Variants in DENND1B observed in about 807,000 individuals in gnomAD.
The protein encoded by DENND1B is DENN domain-containing protein 1B.
In DENND1B, 59 loss-of-function variants were observed where a neutral mutation model predicts 90.1. The ratio of observed to expected loss-of-function variants is 0.65; its 90% CI spans 0.53 to 0.81. The LOEUF (loss-of-function observed/expected upper bound fraction) is 0.81, where lower values mean the gene tolerates loss of function less well. Ranked by LOEUF, DENND1B falls within the 40% of genes least tolerant of loss-of-function variation. DENND1B has a pLI of 0.00. For missense variants in DENND1B, 862 were observed against 912.6 expected, an observed-to-expected ratio of 0.94 and a Z score of 0.71; for synonymous variants, 337 against 324.6, an observed-to-expected ratio of 1.04 and a Z score of -0.41.
At chr1:197,781,630 A>G in the DENND1B span, among the ~76,000 whole-genome samples, 1 of 152,188 alleles carries the variant, frequency 6.6e-6, no homozygotes, top group African/African-American at 2.4e-5. Flanking sequence ...TAAAGAGAAG[A>G]TGGAGGTGGG....
At chr1:197,633,140 T>C (rs549593842) in intron 10 of DENND1B, among the ~76,000 whole-genome samples, 20 of 152,210 alleles carry the variant, frequency 1.3e-4, no homozygotes, top group African/African-American at 3.4e-4. Context: ...AATTATGGCC[T>C]CTTGACCAGT....
In DENND1B at chr1:197,511,674, G is replaced by A. The variant is rs1668037743; in HGVS notation, c.1815+54C>T. 5.6e-6 allele frequency: 8 copies of A among 1,428,436 alleles called. No homozygotes were observed. The South Asian group carries it at 1.0e-4, about 18-fold the overall frequency. The allele number at this position is 1,428,436 out of a possible 1,614,324, so 88.5% of individuals were successfully genotyped here. ...AAGAGTATAAGATCCAGTAATCACA[G>A]CCAAGGCAAGAATATTTTCTTCTAA... On this transcript the variant is annotated intron_variant, in intron 22 of 22. Coordinates refer to ENST00000620048, the MANE Select transcript of DENND1B (RefSeq NM_001195215.2).
intron 18 of DENND1B, among the ~76,000 whole-genome samples, chr1:197,544,935 GAAGAAGGGA>G (rs1449612737): frequency 1.7e-5 from 1 of 58,228 alleles, no homozygotes; most frequent in Non-Finnish European, 3.7e-5. Context: ...AAGAGAAGAA[GAAGAAGGGA>G]GAAGAGAGAA....
chr1:197,705,873 A>G (rs1326609031), intron 3 of DENND1B, among the ~76,000 whole-genome samples: 1 of 152,096 alleles, frequency 6.6e-6, no homozygotes, highest in Admixed American at 6.5e-5. Context: ...TAAGATATTT[A>G]TAAATCTAAA....
intron 3 of DENND1B, among the ~76,000 whole-genome samples, chr1:197,705,229 A>G (rs1659410623): frequency 6.6e-6 from 1 of 152,176 alleles, no homozygotes; most frequent in African/African-American, 2.4e-5. Context: ...AATTCAATAA[A>G]TTCCCTAAAA....
intron 2 of DENND1B, chr1:197,747,418 C>T (rs1652849266): frequency 6.9e-6 from 3 of 435,148 alleles, no homozygotes; most frequent in South Asian, 5.1e-5. Context: ...ACATCACTTT[C>T]ATTTAGGCCA....
chr1:197,651,722 C>A (rs1182380336), intron 7 of DENND1B, among the ~76,000 whole-genome samples: 1 of 125,206 alleles, frequency 8.0e-6, no homozygotes, highest in Non-Finnish European at 1.6e-5. Context: ...GTAACACGAT[C>A]TCGGCTCACT....
chr1:197,550,753 G>A (rs1013258259), intron 16 of DENND1B, among the ~76,000 whole-genome samples: 30 of 151,046 alleles, frequency 2.0e-4, no homozygotes, highest in African/African-American at 6.6e-4. Context: ...CATGGCACAT[G>A]TATACATATG....
intron 2 of DENND1B, among the ~76,000 whole-genome samples, chr1:197,756,178 C>T (rs578171797): frequency 7.9e-5 from 12 of 152,168 alleles, no homozygotes; most frequent in Non-Finnish European, 1.6e-4. Flanking sequence ...TTTTGATTAA[C>T]TAACTGATTG....
Position 197,628,596 on chromosome 1 carries a change from C to T in DENND1B, c.673-10837G>A, listed in dbSNP as rs188556952. ...CCCTAGAAGAAAACCTAGGTGTTAC[C>T]ATTCAGGACATAGGCATGGGCAAGG... On this transcript the variant is annotated intron_variant, in intron 10 of 22. Transcript: ENST00000620048. Among the ~76,000 whole-genome samples, 366 of 152,218 alleles carry T rather than the reference C, an allele frequency of 2.4e-3. 4 individuals are homozygous for T. Among genetic ancestry groups the T allele is most frequent in the African/African-American group, 8.4e-3 (348 of 41,522 alleles).
intron 18 of DENND1B, among the ~76,000 whole-genome samples, chr1:197,542,347 T>C (rs1368930605): frequency 1.3e-5 from 2 of 152,128 alleles, no homozygotes; most frequent in South Asian, 2.1e-4. Flanking sequence ...AAAATAAGTA[T>C]AAAAATGTTA....
intron 2 of DENND1B, among the ~76,000 whole-genome samples, chr1:197,770,794 CTATAAATATATA>C (rs989764179): frequency 1.9e-4 from 23 of 121,310 alleles, no homozygotes; most frequent in East Asian, 4.6e-4. Flanking sequence ...AAATATATAT[CTATAAATATATA>C]TATAAATATA....
chr1:197,721,532 A>AC (rs577039968), intron 2 of DENND1B, among the ~76,000 whole-genome samples: 10 of 43,442 alleles, frequency 2.3e-4, no homozygotes, highest in African/African-American at 8.5e-4. Context: ...AAGGACATAA[A>AC]TTACACAAGT....
At chr1:197,540,315 A>T (rs116516277) in intron 19 of DENND1B, among the ~76,000 whole-genome samples, 3,715 of 151,928 alleles carry the variant, frequency 0.024, 151 homozygotes, top group African/African-American at 0.084. Context: ...AAAAATAATT[A>T]AAAATCTTTG....
chr1:197,678,458 G>A (rs896222272), intron 3 of DENND1B, among the ~76,000 whole-genome samples: 1 of 152,042 alleles, frequency 6.6e-6, no homozygotes, highest in African/African-American at 2.4e-5. Context: ...CTGAAAAGAT[G>A]ATTACTTAAT....
At chr1:197,515,190 A>G (rs1178924815) in intron 20 of DENND1B, among the ~76,000 whole-genome samples, 1 of 151,676 alleles carries the variant, frequency 6.6e-6, no homozygotes, top group Non-Finnish European at 1.5e-5. Flanking sequence ...AAAAGGAAGG[A>G]ATGAGTAGTA....
intron 13 of DENND1B, among the ~76,000 whole-genome samples, chr1:197,604,551 A>G (rs1676504139): frequency 6.6e-6 from 1 of 151,258 alleles, no homozygotes; most frequent in Admixed American, 6.6e-5. Flanking sequence ...CCACTGGTCA[A>G]TCTGACACAA....
chr1:197,584,798 A>T (rs534011807), intron 14 of DENND1B, among the ~76,000 whole-genome samples: 4 of 152,218 alleles, frequency 2.6e-5, no homozygotes, highest in African/African-American at 9.6e-5. Context: ...CAGCCTCCCA[A>T]GTAGCTGGGA....
At chr1:197,575,190 T>C (rs1056473677) in intron 15 of DENND1B, among the ~76,000 whole-genome samples, 1 of 151,424 alleles carries the variant, frequency 6.6e-6, no homozygotes, top group African/African-American at 2.4e-5. Flanking sequence ...CATCTACCCA[T>C]CTGACAAAGG....
Sources: gnomAD v4.1 joint callset for allele counts (sites outside exome capture counted in the v4.1 genomes callset) on GRCh38, gnomAD v4.1.1 for gene constraint, MANE v1.5 for transcripts, NCBI Gene and HGNC (gene_info 2026-07-23, HGNC 2026-07-21) for gene names.